The following GRIA4 variants were observed in gnomAD, a reference collection of about 807,000 sequenced individuals.
The protein encoded by GRIA4 is glutamate receptor 4.
A neutral mutation model predicts 104.0 loss-of-function variants in GRIA4; 34 were observed. That is an observed-to-expected ratio of 0.33 (90% CI 0.25 to 0.44). The LOEUF is 0.44. GRIA4 is among the 20% of genes least tolerant of loss of function. The pLI is 1.00. For synonymous variants in GRIA4, 386 were observed against 381.9 expected, an observed-to-expected ratio of 1.01 and a Z score of -0.13; for missense variants, 750 against 1,096.5, an observed-to-expected ratio of 0.68 and a Z score of 4.46.
chr11:105,765,127 T>G (rs1940870847), intron 4 of GRIA4, among the ~76,000 whole-genome samples: 1 of 152,166 alleles, frequency 6.6e-6, no homozygotes, highest in South Asian at 2.1e-4. Context: ...AAGACAGCAT[T>G]GATGCCGTAT....
At chr11:105,901,685 T>C (rs924971946) in intron 7 of GRIA4, among the ~76,000 whole-genome samples, 4 of 152,228 alleles carry the variant, frequency 2.6e-5, no homozygotes, top group Non-Finnish European at 5.9e-5. Context: ...TGGCTGAATG[T>C]CTCCTTTGCT....
intron 4 of GRIA4, among the ~76,000 whole-genome samples, chr11:105,847,330 C>A (rs764333894): frequency 6.6e-6 from 1 of 152,152 alleles, no homozygotes; most frequent in Non-Finnish European, 1.5e-5. Context: ...GCCCACTGCT[C>A]ACATCTTGCT....
chr11:105,651,954 T>C (rs1348768813), intron 3 of GRIA4, among the ~76,000 whole-genome samples: 1 of 152,058 alleles, frequency 6.6e-6, no homozygotes, highest in African/African-American at 2.4e-5. Flanking sequence ...TTTAACTTAA[T>C]TTAGAGCTTC....
rs7118661 is a variant in GRIA4 at position 105,839,657 on chromosome 11, G to A, written c.488-22367G>A. ...CAAGAGGTAGAGCTTGCAGTGAGCC[G>A]AGATTGCGCCACCGCACCCCAGCCT... On this transcript the variant is annotated intron_variant, in intron 4 of 16. Coordinates refer to ENST00000282499, the MANE Select transcript of GRIA4 (RefSeq NM_000829.4). Among the ~76,000 whole-genome samples, 319 of 151,542 alleles carry A rather than the reference G, an allele frequency of 2.1e-3. 2 individuals carry two copies. The highest frequency in any genetic ancestry group is 7.3e-3 in the African/African-American group (303 of 41,354).
intron 5 of GRIA4, among the ~76,000 whole-genome samples, chr11:105,884,059 G>T (rs1050732461): frequency 6.6e-6 from 1 of 152,080 alleles, no homozygotes; most frequent in Non-Finnish European, 1.5e-5. Context: ...TAAAAAGTCA[G>T]GAAGCACCGT....
Position 105,634,514 on chromosome 11 carries a change from A to AAAG in GRIA4, c.247+22081_247+22082insAGA, listed in dbSNP as rs774584925. Among the ~76,000 whole-genome samples, 3 of 46,982 alleles carry AAAG rather than the reference A, an allele frequency of 6.4e-5. No individual in the cohort carries two copies. In the East Asian group the frequency reaches 2.5e-3, roughly 38 times the overall value. The allele number at this position is 46,982 out of a possible 152,430, so 30.8% of individuals were successfully genotyped here. On this transcript the variant is annotated intron_variant, in intron 3 of 16. Coordinates refer to ENST00000282499, the MANE Select transcript of GRIA4 (RefSeq NM_000829.4). ...GAAAGAAAGAAAGAAAGAAAGAAAG[A>AAAG]AGAAAGAAAGAAAGAAAAGAAAGAA...
intron 3 of GRIA4, among the ~76,000 whole-genome samples, chr11:105,649,839 TG>T (rs1321912624): frequency 6.6e-6 from 1 of 152,062 alleles, no homozygotes; most frequent in Non-Finnish European, 1.5e-5. Context: ...TTTTTAATAT[TG>T]TAAATTATTC....
At chr11:105,968,188 A>G (rs1242315605) in intron 14 of GRIA4, among the ~76,000 whole-genome samples, 1 of 152,210 alleles carries the variant, frequency 6.6e-6, no homozygotes, top group Non-Finnish European at 1.5e-5. Context: ...TGACTCATCT[A>G]ATGAAGAAGG....
At chr11:105,878,064 T>C (rs1945901281) in intron 5 of GRIA4, among the ~76,000 whole-genome samples, 1 of 152,236 alleles carries the variant, frequency 6.6e-6, no homozygotes, top group African/African-American at 2.4e-5. Flanking sequence ...CCTTTTGTCT[T>C]TGATGTTGGT....
intron 3 of GRIA4, among the ~76,000 whole-genome samples, chr11:105,710,998 A>G (rs973433995): frequency 6.6e-6 from 1 of 152,098 alleles, no homozygotes; most frequent in African/African-American, 2.4e-5. Flanking sequence ...CATTAAGAAA[A>G]ATTAATTAGT....
At chr11:105,894,443 T>G (rs1470214104) in intron 6 of GRIA4, among the ~76,000 whole-genome samples, 1 of 152,134 alleles carries the variant, frequency 6.6e-6, no homozygotes, top group Non-Finnish European at 1.5e-5. Context: ...CTAAACTAGA[T>G]CAATAATCTG....
At chr11:105,819,281 C>G (rs1943492958) in intron 4 of GRIA4, among the ~76,000 whole-genome samples, 1 of 152,120 alleles carries the variant, frequency 6.6e-6, no homozygotes, top group Non-Finnish European at 1.5e-5. Flanking sequence ...GGCTCTAACT[C>G]TTACTATTTT....
intron 3 of GRIA4, among the ~76,000 whole-genome samples, chr11:105,729,862 A>T (rs1010927240): frequency 6.6e-6 from 1 of 152,134 alleles, no homozygotes; most frequent in East Asian, 1.9e-4. Flanking sequence ...CATATCTGAA[A>T]ATAATAAGAA....
chr11:105,830,637 G>A (rs1943942205), intron 4 of GRIA4, among the ~76,000 whole-genome samples: 2 of 151,990 alleles, frequency 1.3e-5, no homozygotes, highest in African/African-American at 4.8e-5. Context: ...CAAAGTGGAA[G>A]AAATGTTTGA....
At chr11:105,613,591 A>G (rs907805043) in intron 3 of GRIA4, 10 of 152,328 alleles carry the variant, frequency 6.6e-5, no homozygotes, top group Admixed American at 2.0e-4. Flanking sequence ...GAAATTGAAA[A>G]CAGAGTTTTT....
chr11:105,650,555 C>A (rs1374839625), intron 3 of GRIA4, among the ~76,000 whole-genome samples: 1 of 152,038 alleles, frequency 6.6e-6, no homozygotes, highest in African/African-American at 2.4e-5. Flanking sequence ...AACTCTTGAA[C>A]ACATCAAGAC....
intron 14 of GRIA4, among the ~76,000 whole-genome samples, chr11:105,948,808 G>A: frequency 6.6e-6 from 1 of 151,664 alleles, no homozygotes; most frequent in South Asian, 2.1e-4. Flanking sequence ...GGCCAGGATG[G>A]TCTCGATCTC....
intron 3 of GRIA4, among the ~76,000 whole-genome samples, chr11:105,657,388 A>T (rs974550570): frequency 1.3e-5 from 2 of 152,012 alleles, no homozygotes; most frequent in Non-Finnish European, 2.9e-5. Context: ...AAATAATCAT[A>T]AAAAACTCTA....
intron 3 of GRIA4, among the ~76,000 whole-genome samples, chr11:105,727,729 C>A (rs1938309889): frequency 6.6e-6 from 1 of 152,096 alleles, no homozygotes; most frequent in South Asian, 2.1e-4. Context: ...ATTCAACATT[C>A]CTAAAGAAAA....
Sources: allele counts gnomAD v4.1 joint callset (sites outside exome capture counted in the v4.1 genomes callset), GRCh38; gene constraint gnomAD v4.1.1; transcripts MANE v1.5; gene names NCBI Gene and HGNC (gene_info 2026-07-23, HGNC 2026-07-21).